Variants in CDKAL1 observed in about 807,000 individuals in gnomAD.
CDKAL1 encodes threonylcarbamoyladenosine tRNA methylthiotransferase.
A neutral mutation model predicts 68.2 loss-of-function variants in CDKAL1; 32 were observed. The ratio of observed to expected loss-of-function variants is 0.47; its 90% confidence interval spans 0.35 to 0.63. CDKAL1 has a LOEUF of 0.63. CDKAL1 is among the 30% of genes least tolerant of loss of function. The probability of loss-of-function intolerance (pLI) is 0.00; values close to 1 mark genes in which losing one functional copy is unlikely to be tolerated. For synonymous variants in CDKAL1, 234 were observed against 244.3 expected (o/e 0.96, Z 0.39); for missense variants, 606 against 696.7 (o/e 0.87, Z 1.47).
At chr6:20,624,061 A>T (rs534166402) in intron 4 of CDKAL1, among the ~76,000 whole-genome samples, 1 of 152,190 alleles carries the variant, frequency 6.6e-6, no homozygotes, top group South Asian at 2.1e-4. Flanking sequence ...ATAACCTTTG[A>T]CATGAGGCTT....
At chr6:20,535,845 G>C (rs1763146000) in intron 2 of CDKAL1, among the ~76,000 whole-genome samples, 1 of 152,180 alleles carries the variant, frequency 6.6e-6, no homozygotes, top group Non-Finnish European at 1.5e-5. Context: ...ATCCTAATGG[G>C]TATGAAGTGG....
rs1189873867 is a variant in CDKAL1 at position 20,607,699 on chromosome 6, C to CT, written c.287-41584dup. ...TAATGAGATAGCTTTTTTCTTTTTT[C>CT]TTTTTTTTTTCTTTTGAACAAGTCT... On this transcript the variant is annotated intron_variant, in intron 4 of 15. Transcript: ENST00000274695. Among the ~76,000 whole-genome samples the CT allele has an allele frequency of 9.4e-4, 139 of 147,688 alleles. 1 individual carries two copies. The highest frequency in any genetic ancestry group is 3.1e-3 in the African/African-American group (125 of 40,390).
chr6:20,903,212 C>T (rs1301316774), intron 9 of CDKAL1, among the ~76,000 whole-genome samples: 7 of 152,170 alleles, frequency 4.6e-5, no homozygotes, highest in Non-Finnish European at 1.0e-4. Flanking sequence ...AACGCAGACA[C>T]ACACGAACAA....
At chr6:20,584,448 A>T (rs1765261887) in intron 4 of CDKAL1, among the ~76,000 whole-genome samples, 1 of 152,156 alleles carries the variant, frequency 6.6e-6, no homozygotes, top group Non-Finnish European at 1.5e-5. Flanking sequence ...CTTTCTGTAC[A>T]TGCAGGCTGG....
intron 12 of CDKAL1, among the ~76,000 whole-genome samples, chr6:21,065,655 G>T (rs1461009989): frequency 7.3e-6 from 1 of 137,438 alleles, no homozygotes; most frequent in Non-Finnish European, 1.5e-5. Flanking sequence ...CTATTGGATA[G>T]ATTTGATACT....
At chr6:21,146,588 C>T (rs1395817386) in intron 13 of CDKAL1, among the ~76,000 whole-genome samples, 4 of 152,210 alleles carry the variant, frequency 2.6e-5, no homozygotes, top group Middle Eastern at 3.4e-3. Context: ...TGGTGGCTCA[C>T]GCCTGTAATC....
intron 9 of CDKAL1, among the ~76,000 whole-genome samples, chr6:20,875,303 C>T (rs1486431151): frequency 1.9e-5 from 1 of 52,952 alleles, no homozygotes; most frequent in East Asian, 6.1e-4. Context: ...GAGACTCCGT[C>T]TCAAAAAAAA....
intron 10 of CDKAL1, among the ~76,000 whole-genome samples, chr6:20,967,510 C>T (rs565188200): frequency 6.6e-6 from 1 of 152,224 alleles, no homozygotes; most frequent in South Asian, 2.1e-4. Context: ...CTATGTAGTT[C>T]CCTTCCCACC....
intron 4 of CDKAL1, among the ~76,000 whole-genome samples, chr6:20,609,016 A>G (rs1303950597): frequency 6.6e-6 from 1 of 152,200 alleles, no homozygotes; most frequent in Non-Finnish European, 1.5e-5. Flanking sequence ...GCATGAAGTT[A>G]TTAGACATTT....
chr6:21,079,445 A>G (rs1772259168), intron 12 of CDKAL1, among the ~76,000 whole-genome samples: 1 of 152,182 alleles, frequency 6.6e-6, no homozygotes, highest in South Asian at 2.1e-4. Flanking sequence ...GATTTAAAGA[A>G]TCTCTGTGAC....
chr6:20,961,784 GA>G, intron 10 of CDKAL1, among the ~76,000 whole-genome samples: 1 of 144,348 alleles, frequency 6.9e-6, no homozygotes, highest in East Asian at 2.0e-4. Flanking sequence ...AAAAAGAAAA[GA>G]AAAACAAAAA....
At chr6:20,740,066 G>A (rs534473944) in intron 6 of CDKAL1, among the ~76,000 whole-genome samples, 2 of 152,220 alleles carry the variant, frequency 1.3e-5, no homozygotes, top group South Asian at 2.1e-4. Flanking sequence ...TGCCTACTCC[G>A]TGTAGTCCAC....
chr6:21,065,027 T>G (rs754355143), intron 11 of CDKAL1, 21 bp from the exon 12 acceptor site: 18 of 1,481,138 alleles, frequency 1.2e-5, no homozygotes, highest in Middle Eastern at 1.8e-4. Flanking sequence ...GTTTTTACAT[T>G]TTTGTCTTGT....
At chr6:20,638,699 A>C (rs551887167) in intron 4 of CDKAL1, among the ~76,000 whole-genome samples, 11 of 150,964 alleles carry the variant, frequency 7.3e-5, no homozygotes, top group Non-Finnish European at 1.6e-4. Flanking sequence ...GCAACCTCCA[A>C]CTCCCTGGTT....
intron 13 of CDKAL1, among the ~76,000 whole-genome samples, chr6:21,138,854 G>A (rs1775752759): frequency 6.6e-6 from 1 of 152,178 alleles, no homozygotes; most frequent in Non-Finnish European, 1.5e-5. Flanking sequence ...CCACCCCGGA[G>A]AACACTGTAA....
intron 8 of CDKAL1, among the ~76,000 whole-genome samples, chr6:20,823,966 C>T (rs1311563990): frequency 6.6e-6 from 1 of 151,958 alleles, no homozygotes; most frequent in Non-Finnish European, 1.5e-5. Flanking sequence ...CAGTCACAAC[C>T]ACCACTGGTG....
intron 2 of CDKAL1, among the ~76,000 whole-genome samples, chr6:20,544,106 A>G (rs1763492404): frequency 6.6e-6 from 1 of 152,118 alleles, no homozygotes; most frequent in African/African-American, 2.4e-5. Context: ...ACTTAGGTCA[A>G]GGTTCATTTT....
At chr6:20,848,759 C>A (rs1319111869) in intron 9 of CDKAL1, among the ~76,000 whole-genome samples, 2 of 150,932 alleles carry the variant, frequency 1.3e-5, no homozygotes, top group African/African-American at 4.9e-5. Flanking sequence ...CCAGTGTGTT[C>A]AGGAAATGTG....
At chr6:20,826,476 T>G (rs766137468) in intron 8 of CDKAL1, among the ~76,000 whole-genome samples, 4 of 152,324 alleles carry the variant, frequency 2.6e-5, no homozygotes, top group Middle Eastern at 3.4e-3. Context: ...GAACTCATCA[T>G]GTGTCATGTG....
Sources: gnomAD v4.1 joint callset for allele counts (sites outside exome capture counted in the v4.1 genomes callset) on GRCh38, gnomAD v4.1.1 for gene constraint, MANE v1.5 for transcripts, NCBI Gene and HGNC (gene_info 2026-07-23, HGNC 2026-07-21) for gene names.